TNIK: variants seen among roughly 807,000 people sequenced by gnomAD.
The protein encoded by TNIK is TRAF2 and NCK interacting kinase, also known as TRAF2 and NCK-interacting protein kinase.
Under a neutral mutation model 191.3 loss-of-function variants are expected in TNIK, and 49 were observed. That is an observed-to-expected ratio of 0.26 (90% CI 0.20 to 0.32). TNIK has a LOEUF of 0.32. Ranked by LOEUF, TNIK falls within the 10% of genes least tolerant of loss-of-function variation. The pLI, the probability that TNIK is intolerant of heterozygous loss-of-function variation, is 1.00. For synonymous variants in TNIK, 594 were observed against 600.9 expected (o/e 0.99, Z 0.17); for missense variants, 1,155 against 1,702.3 (o/e 0.68, Z 5.66).
intron 1 of TNIK, among the ~76,000 whole-genome samples, chr3:171,425,218 G>A (rs904279856): frequency 3.1e-4 from 47 of 152,254 alleles, no homozygotes; most frequent in African/African-American, 1.1e-3. Context: ...CACAATTTAA[G>A]CCAGCTGCCA....
At chr3:171,281,343 A>G (rs1750407204) in intron 2 of TNIK, among the ~76,000 whole-genome samples, 1 of 152,244 alleles carries the variant, frequency 6.6e-6, no homozygotes, top group Non-Finnish European at 1.5e-5. Flanking sequence ...ATATGAGACC[A>G]CAATTTTTCA....
At chr3:171,124,108 T>A (rs1728151723) in intron 17 of TNIK, among the ~76,000 whole-genome samples, 1 of 152,200 alleles carries the variant, frequency 6.6e-6, no homozygotes, top group Non-Finnish European at 1.5e-5. Flanking sequence ...ATGAAGCAAG[T>A]TCCACTTTTA....
chr3:171,147,269 G>A (rs1172524336), intron 12 of TNIK, among the ~76,000 whole-genome samples: 2 of 152,126 alleles, frequency 1.3e-5, no homozygotes, highest in Admixed American at 1.3e-4. Flanking sequence ...CCACCCAGGG[G>A]CTCTCTGTTC....
rs1219998383 is a variant in TNIK, at chr3:171,216,792, T to TTAGATTGTAATAAATAATTACAA, written c.181-5574_181-5552dup. Among the ~76,000 whole-genome samples, 4 of 152,256 alleles carry TTAGATTGTAATAAATAATTACAA rather than the reference T, an allele frequency of 2.6e-5. No individual in the cohort carries two copies. In the South Asian group the frequency reaches 6.2e-4, roughly 24 times the overall value. On this transcript the variant is annotated intron_variant, in intron 3 of 32. Coordinates refer to ENST00000436636, the MANE Select transcript of TNIK (RefSeq NM_015028.4). ...ATTACATCTAACAGACTGTAATAAATTAGATTGTAATAAATAATTACAATA... is the reference window on the plus strand; with the variant it reads ...ATTACATCTAACAGACTGTAATAAATTAGATTGTAATAAATAATTACAATAGATTGTAATAAATAATTACAATA...
chr3:171,133,318 A>G (rs1364282962), intron 15 of TNIK, among the ~76,000 whole-genome samples: 2 of 152,168 alleles, frequency 1.3e-5, no homozygotes, highest in East Asian at 3.8e-4. Context: ...CTTATCTATC[A>G]CCTGGGAGAG....
chr3:171,426,005 C>G (rs1014365280), intron 1 of TNIK, among the ~76,000 whole-genome samples: 1 of 152,080 alleles, frequency 6.6e-6, no homozygotes, highest in Non-Finnish European at 1.5e-5. Context: ...GGCGATTTCT[C>G]AGGGACCTAG....
chr3:171,209,378 C>A lies in TNIK; in HGVS notation c.306+1738G>T, dbSNP rs181693354. Among the ~76,000 whole-genome samples, 105 of 152,166 alleles carry A rather than the reference C, an allele frequency of 6.9e-4. 1 individual carries two copies. Among genetic ancestry groups the A allele is most frequent in the Admixed American group, 4.4e-3 (67 of 15,276 alleles). ...TTCCTATTGATTTATAAAAATGCTTCATCTCTGAAGGCTGCTAAATTCTTT... is the reference window on the plus strand; with the variant it reads ...TTCCTATTGATTTATAAAAATGCTTAATCTCTGAAGGCTGCTAAATTCTTT... On this transcript the variant is annotated intron_variant, in intron 4 of 32. Transcript: ENST00000436636.
chr3:171,268,728 A>T (rs764492001), intron 2 of TNIK, among the ~76,000 whole-genome samples: 5 of 152,080 alleles, frequency 3.3e-5, no homozygotes, highest in Non-Finnish European at 7.4e-5. Context: ...CAAAGAAAGA[A>T]GGGCTGGGTG....
intron 2 of TNIK, among the ~76,000 whole-genome samples, chr3:171,314,853 A>T (rs758836882): frequency 2.0e-5 from 3 of 152,148 alleles, no homozygotes; most frequent in Non-Finnish European, 4.4e-5. Context: ...CGCACCCCAT[A>T]CTCATGAATA....
intron 2 of TNIK, among the ~76,000 whole-genome samples, chr3:171,339,479 C>T (rs1012938340): frequency 5.9e-5 from 9 of 152,224 alleles, no homozygotes; most frequent in Non-Finnish European, 1.0e-4. Flanking sequence ...AGTCCCCATC[C>T]ATGGAAGCTT....
chr3:171,180,765 T>C (rs1042398968), intron 7 of TNIK, among the ~76,000 whole-genome samples: 3 of 152,212 alleles, frequency 2.0e-5, no homozygotes, highest in African/African-American at 7.2e-5. Flanking sequence ...CCAGTTCTCT[T>C]TTAACTAGCA....
At chr3:171,136,194 C>T (rs1194436844) in intron 15 of TNIK, among the ~76,000 whole-genome samples, 1 of 152,192 alleles carries the variant, frequency 6.6e-6, no homozygotes, top group Non-Finnish European at 1.5e-5. Context: ...CTCTCCTAAA[C>T]TCATGCTTGG....
At chr3:171,353,676 A>G (rs1378335908) in intron 2 of TNIK, among the ~76,000 whole-genome samples, 1 of 152,206 alleles carries the variant, frequency 6.6e-6, no homozygotes, top group Non-Finnish European at 1.5e-5. Flanking sequence ...TAAACTATCA[A>G]GAGTTCTGAA....
chr3:171,336,870 A>C (rs1173410170), intron 2 of TNIK, among the ~76,000 whole-genome samples: 1 of 152,214 alleles, frequency 6.6e-6, no homozygotes, highest in East Asian at 1.9e-4. Context: ...GTAAGACCTC[A>C]ACTTTCCTTT....
chr3:171,173,812 C>G (rs182403604), intron 9 of TNIK, among the ~76,000 whole-genome samples: 22 of 152,170 alleles, frequency 1.4e-4, no homozygotes, highest in African/African-American at 4.8e-4. Flanking sequence ...CCAGACTCAG[C>G]TCAGATATCA....
chr3:171,347,866 T>C (rs1712519431), intron 2 of TNIK, among the ~76,000 whole-genome samples: 1 of 152,072 alleles, frequency 6.6e-6, no homozygotes, highest in African/African-American at 2.4e-5. Context: ...TCATCAAGAG[T>C]GACTGTTCTT....
intron 3 of TNIK, among the ~76,000 whole-genome samples, chr3:171,213,842 T>C (rs1741151495): frequency 6.6e-6 from 1 of 152,152 alleles, no homozygotes; most frequent in Non-Finnish European, 1.5e-5. Flanking sequence ...ACCCTAAGTT[T>C]TCTCATTTAT....
At chr3:171,450,738 A>T (rs1199373396) in intron 1 of TNIK, among the ~76,000 whole-genome samples, 1 of 152,194 alleles carries the variant, frequency 6.6e-6, no homozygotes. Context: ...ATGAGGTGTA[A>T]TAAATAAATA....
chr3:171,315,398 T>A (rs1038760670), intron 2 of TNIK, among the ~76,000 whole-genome samples: 1 of 152,062 alleles, frequency 6.6e-6, no homozygotes, highest in African/African-American at 2.4e-5. Context: ...AACACAATAC[T>A]CTATTCATTC....
Sources: gnomAD v4.1 joint callset for allele counts (sites outside exome capture counted in the v4.1 genomes callset) on GRCh38, gnomAD v4.1.1 for gene constraint, MANE v1.5 for transcripts, NCBI Gene and HGNC (gene_info 2026-07-23, HGNC 2026-07-21) for gene names.